Variants in LHFPL3 observed in about 807,000 individuals in gnomAD.
LHFPL3 encodes LHFPL tetraspan subfamily member 3, also known as LHFPL tetraspan subfamily member 3 protein.
LHFPL3 carries 5 observed loss-of-function variants against 19.3 expected under a neutral mutation model. That is an observed-to-expected ratio of 0.26 (90% CI 0.14 to 0.54). The LOEUF (loss-of-function observed/expected upper bound fraction) is 0.54. Ranked by LOEUF, LHFPL3 falls within the 20% of genes least tolerant of loss-of-function variation. The pLI is 0.94. For missense variants in LHFPL3, 249 were observed against 307.4 expected (o/e 0.81, Z 1.42); for synonymous variants, 133 against 126.2 (o/e 1.05, Z -0.36).
chr7:104,642,296 C>T lies in LHFPL3; in HGVS notation c.446-94379C>T, dbSNP rs542418848. 5.3e-5 allele frequency among the ~76,000 whole-genome samples: 8 copies of T among 152,154 alleles called. No homozygotes were observed. The South Asian group carries it at 1.0e-3, about 20-fold the overall frequency. ...CAAGTGATCCGCCCACCTCAGCCTCCCAGGTACAGTCGTGAGCCACCGTAC... is the reference window on the plus strand; with the variant it reads ...CAAGTGATCCGCCCACCTCAGCCTCTCAGGTACAGTCGTGAGCCACCGTAC... On this transcript the variant is annotated intron_variant, in intron 1 of 2. Transcript: ENST00000424859.
chr7:104,847,694 T>C (rs1368439613), intron 2 of LHFPL3, among the ~76,000 whole-genome samples: 1 of 152,230 alleles, frequency 6.6e-6, no homozygotes, highest in African/African-American at 2.4e-5. Context: ...GTATTTTTAA[T>C]AGAGACGAGA....
At chr7:104,736,584 A>T in intron 1 of LHFPL3, 91 bp from the exon 2 acceptor site, 1 of 792,716 alleles carries the variant, frequency 1.3e-6, no homozygotes, top group Non-Finnish European at 2.0e-6. Flanking sequence ...ATTTGAAACA[A>T]TGATTCGACA....
intron 2 of LHFPL3, among the ~76,000 whole-genome samples, chr7:104,796,318 C>T (rs1252009535): frequency 6.6e-6 from 1 of 152,074 alleles, no homozygotes; most frequent in Non-Finnish European, 1.5e-5. Flanking sequence ...AGACAAAGGA[C>T]ATGTTTTTTA....
chr7:104,529,597 T>C (rs1262971652), intron 1 of LHFPL3, among the ~76,000 whole-genome samples: 5 of 152,192 alleles, frequency 3.3e-5, no homozygotes, highest in African/African-American at 1.2e-4. Flanking sequence ...AAAGAAATAG[T>C]CAGCTGGTTC....
intron 1 of LHFPL3, among the ~76,000 whole-genome samples, chr7:104,646,091 C>T (rs1051247350): frequency 1.3e-5 from 2 of 152,192 alleles, no homozygotes; most frequent in African/African-American, 4.8e-5. Flanking sequence ...GACACCACCT[C>T]TTACTTACCA....
intron 2 of LHFPL3, among the ~76,000 whole-genome samples, chr7:104,865,340 C>T (rs6944796): frequency 0.19 from 28,568 of 151,966 alleles, 2,962 homozygotes; most frequent in East Asian, 0.37. Context: ...AAAAATTAGA[C>T]GAATGGCTAA....
intron 1 of LHFPL3, among the ~76,000 whole-genome samples, chr7:104,561,734 G>C (rs1475671962): frequency 6.6e-6 from 1 of 152,002 alleles, no homozygotes; most frequent in Non-Finnish European, 1.5e-5. Flanking sequence ...TATGATGTTA[G>C]CTGGTTATTT....
intron 1 of LHFPL3, among the ~76,000 whole-genome samples, chr7:104,568,894 A>G (rs1562937653): frequency 1.3e-5 from 2 of 152,230 alleles, no homozygotes; most frequent in South Asian, 4.1e-4. Context: ...TTTGGGATGT[A>G]GAATAGCAGA....
intron 1 of LHFPL3, among the ~76,000 whole-genome samples, chr7:104,633,394 G>T (rs1006913807): frequency 6.6e-5 from 10 of 152,110 alleles, no homozygotes; most frequent in Non-Finnish European, 1.5e-5. Flanking sequence ...GCTGAAAAAA[G>T]TCACTGGAAA....
chr7:104,332,218 C>CTT lies in LHFPL3; in HGVS notation c.445+2997_445+2998dup, dbSNP rs1562866567. Among the ~76,000 whole-genome samples, 33 of 95,824 alleles carry CTT rather than the reference C, an allele frequency of 3.4e-4. No homozygotes were observed. In the East Asian group the frequency reaches 4.1e-3, roughly 12 times the overall value. 62.9% of individuals were successfully genotyped at this position (95,824 alleles called of 152,430 possible). A position where few individuals can be genotyped will look rare whatever the true frequency, so the allele number is the denominator to read the frequency against. ...TCAGGTAGAATATAAAATCCTATTT[C>CTT]TTTTCTTTTTTTTTTTTTTTTTTTT... On this transcript the variant is annotated intron_variant, in intron 1 of 2. Transcript: ENST00000424859.
At chr7:104,521,485 C>A (rs1794062377) in intron 1 of LHFPL3, among the ~76,000 whole-genome samples, 1 of 152,052 alleles carries the variant, frequency 6.6e-6, no homozygotes, top group African/African-American at 2.4e-5. Flanking sequence ...TGGGCAAGGA[C>A]TTCATGTCTA....
At chr7:104,459,486 A>C (rs1330645362) in intron 1 of LHFPL3, among the ~76,000 whole-genome samples, 1 of 152,208 alleles carries the variant, frequency 6.6e-6, no homozygotes, top group South Asian at 2.1e-4. Flanking sequence ...TTGATGGCGC[A>C]AACTGCTGCC....
At chr7:104,510,483 A>T (rs188784250) in intron 1 of LHFPL3, among the ~76,000 whole-genome samples, 1 of 152,324 alleles carries the variant, frequency 6.6e-6, no homozygotes, top group East Asian at 1.9e-4. Flanking sequence ...GCAACTGGAC[A>T]TTCCTAGGCA....
At chr7:104,418,332 A>T (rs1032038261) in intron 1 of LHFPL3, among the ~76,000 whole-genome samples, 1 of 152,220 alleles carries the variant, frequency 6.6e-6, no homozygotes, top group Non-Finnish European at 1.5e-5. Context: ...CAGAGATTTG[A>T]GACCAGTCTG....
intron 2 of LHFPL3, among the ~76,000 whole-genome samples, chr7:104,773,846 C>T (rs1794600351): frequency 7.6e-6 from 1 of 131,102 alleles, no homozygotes; most frequent in African/African-American, 2.9e-5. Flanking sequence ...CCCTTGCAGC[C>T]CTAAGGAGGA....
chr7:104,710,559 C>T (rs918786174), intron 1 of LHFPL3, among the ~76,000 whole-genome samples: 1 of 152,122 alleles, frequency 6.6e-6, no homozygotes, highest in African/African-American at 2.4e-5. Context: ...AGAGGTAAAA[C>T]AGCCGCCAGA....
At chr7:104,501,151 G>C (rs1793592054) in intron 1 of LHFPL3, among the ~76,000 whole-genome samples, 1 of 152,082 alleles carries the variant, frequency 6.6e-6, no homozygotes, top group Non-Finnish European at 1.5e-5. Context: ...AAAGAATAAA[G>C]GAAGGAACAA....
chr7:104,816,183 G>A (rs2116512621), intron 2 of LHFPL3, among the ~76,000 whole-genome samples: 1 of 152,322 alleles, frequency 6.6e-6, no homozygotes, highest in Admixed American at 6.5e-5. Context: ...TTGTTTTACA[G>A]CAACAGCATT....
chr7:104,514,899 AC>A (rs1163894996), intron 1 of LHFPL3, among the ~76,000 whole-genome samples: 1 of 152,204 alleles, frequency 6.6e-6, no homozygotes, highest in Non-Finnish European at 1.5e-5. Context: ...TTATGAAGCA[AC>A]CCACCTTCTT....
Sources: allele counts gnomAD v4.1 joint callset (sites outside exome capture counted in the v4.1 genomes callset), GRCh38; gene constraint gnomAD v4.1.1; transcripts MANE v1.5; gene names NCBI Gene and HGNC (gene_info 2026-07-23, HGNC 2026-07-21).